The following SPHKAP variants were observed in gnomAD, a reference collection of about 807,000 sequenced individuals.
The protein encoded by SPHKAP is SPHK1 interactor, AKAP domain containing.
A neutral mutation model predicts 137.5 loss-of-function variants in SPHKAP; 67 were observed. That is an observed-to-expected ratio of 0.49 (90% CI 0.40 to 0.60). The LOEUF (loss-of-function observed/expected upper bound fraction) is 0.60, where lower values mean the gene tolerates loss of function less well. SPHKAP is among the 20% of genes least tolerant of loss of function. The probability of loss-of-function intolerance (pLI) is 0.00; values close to 1 mark genes in which losing one functional copy is unlikely to be tolerated. For missense variants in SPHKAP, 2,097 were observed against 2,069.3 expected, an observed-to-expected ratio of 1.01 and a Z score of -0.26; for synonymous variants, 813 against 785.3, an observed-to-expected ratio of 1.04 and a Z score of -0.59.
At position 227,995,665 on chromosome 2, in the gene SPHKAP, T is replaced by G. The variant is rs754360345; in HGVS notation, c.4478A>C (p.Glu1493Ala). Residue 1493 changes from glutamate to alanine, a missense_variant, in exon 8 of 12, where the codon GAG becomes GCG. Glu to Ala is a moderately radical substitution (Grantham distance 107). Transcript: ENST00000392056. Reference protein sequence around the residue: ...SDSLDTRDVPEAEASTEARAP... With the variant: ...SDSLDTRDVPAAEASTEARAP... Reference sequence around the variant, plus strand: ...TCTGGCTTCTGTGGAGGCTTCAGCCTCTGGTACATCTCTGGTATCAAGGCT... The same window carrying G: ...TCTGGCTTCTGTGGAGGCTTCAGCCGCTGGTACATCTCTGGTATCAAGGCT... 3.1e-6 allele frequency: 5 copies of G among 1,608,788 alleles called. No homozygotes were observed. In the Admixed American group the frequency reaches 8.5e-5, roughly 27 times the overall value.
chr2:228,030,543 C>CAAAAAAAAAAAAAAAA (rs1553615001), intron 3 of SPHKAP, among the ~76,000 whole-genome samples: 4 of 78,722 alleles, frequency 5.1e-5, no homozygotes, highest in Non-Finnish European at 7.2e-5. Context: ...CAACAAAAAA[C>CAAAAAAAAAAAAAAAA]AAAAAAAAAA....
Position 228,181,549 on chromosome 2 carries a change from G to C in SPHKAP, c.32+18C>G. ...TTTGATCGACATGGTATTGGGCATA[G>C]AAAGAAGCGGGTCTTACCTTGGTAC... is the stretch of plus-strand genomic sequence containing the variant. On this transcript the variant is annotated intron_variant, in intron 1 of 11. Transcript: ENST00000392056. The surrounding 1 kb of genome is among the most constrained non-coding windows in gnomAD (Gnocchi z 4.3). 2 of 1,614,220 alleles carry C rather than the reference G, an allele frequency of 1.2e-6. No homozygotes were observed. Among genetic ancestry groups the C allele is most frequent in the Non-Finnish European group, 1.7e-6 (2 of 1,180,030 alleles).
chr2:227,995,793 T>A, intron 7 of SPHKAP, 99 bp from the exon 8 acceptor site: 9 of 1,364,498 alleles, frequency 6.6e-6, no homozygotes, highest in Non-Finnish European at 8.7e-6. Context: ...AAACAGGATG[T>A]CACTGGACAC....
At position 228,181,547 on chromosome 2, in the gene SPHKAP, T is replaced by A. The variant is rs1700914938; in HGVS notation, c.32+20A>T. 6.2e-7 allele frequency: 1 copy of A among 1,613,966 alleles called. No homozygotes were observed. Among genetic ancestry groups the A allele is most frequent in the Non-Finnish European group, 8.5e-7 (1 of 1,180,008 alleles). ...AGTTTGATCGACATGGTATTGGGCA[T>A]AGAAAGAAGCGGGTCTTACCTTGGT... is the stretch of plus-strand genomic sequence containing the variant. On this transcript the variant is annotated intron_variant, in intron 1 of 11. Coordinates refer to ENST00000392056, the MANE Select transcript of SPHKAP (RefSeq NM_001142644.2). This position sits in a 1 kb window ranked among gnomAD's most constrained non-coding sequence, Gnocchi z 4.3.
At chr2:228,064,025 G>T (rs1023756379) in intron 3 of SPHKAP, among the ~76,000 whole-genome samples, 2 of 152,158 alleles carry the variant, frequency 1.3e-5, no homozygotes, top group African/African-American at 2.4e-5. Flanking sequence ...TCAAGTAAAA[G>T]TAGTTGATAT....
At chr2:227,990,878 A>T in intron 11 of SPHKAP, 122 bp downstream of exon 11, 1 of 973,214 alleles carries the variant, frequency 1.0e-6, no homozygotes, top group Non-Finnish European at 1.5e-6. Flanking sequence ...CCGCAATTTT[A>T]AGATCAAGAA....
At chr2:228,065,339 G>A (rs976456416) in intron 3 of SPHKAP, among the ~76,000 whole-genome samples, 31 of 152,292 alleles carry the variant, frequency 2.0e-4, no homozygotes, top group South Asian at 6.2e-4. Context: ...CACAGTCCTT[G>A]ACAGAAAGGA....
chr2:228,084,308 A>G (rs73096696), intron 3 of SPHKAP, among the ~76,000 whole-genome samples: 3,519 of 152,270 alleles, frequency 0.023, 131 homozygotes, highest in African/African-American at 0.079. Flanking sequence ...ATATTACTAT[A>G]GTTAATAATG....
At chr2:228,164,916 CAAT>C (rs1437820948) in intron 1 of SPHKAP, among the ~76,000 whole-genome samples, 5 of 152,256 alleles carry the variant, frequency 3.3e-5, no homozygotes, top group African/African-American at 1.2e-4. Context: ...GCACACATGT[CAAT>C]TTGCTATATG....
intron 7 of SPHKAP, among the ~76,000 whole-genome samples, chr2:227,996,788 A>G (rs1197921346): frequency 6.6e-6 from 1 of 152,180 alleles, no homozygotes; most frequent in African/African-American, 2.4e-5. Flanking sequence ...TTTACATTCA[A>G]TAAATTTCTT....
At chr2:228,066,097 T>A (rs1329271508) in intron 3 of SPHKAP, among the ~76,000 whole-genome samples, 1 of 152,348 alleles carries the variant, frequency 6.6e-6, no homozygotes, top group East Asian at 1.9e-4. Context: ...AATTTAATTA[T>A]GTCCTTAGAG....
chr2:228,039,534 T>C (rs1468026861), intron 3 of SPHKAP, among the ~76,000 whole-genome samples: 1 of 152,188 alleles, frequency 6.6e-6, no homozygotes. Flanking sequence ...ATGTAGGCAT[T>C]TGTAAAACTA....
At chr2:228,104,412 A>C (rs1324215517) in intron 3 of SPHKAP, among the ~76,000 whole-genome samples, 2 of 133,648 alleles carry the variant, frequency 1.5e-5, no homozygotes, top group Admixed American at 8.5e-5. Context: ...CAAATTATTC[A>C]AATATAATAT....
At chr2:228,045,724 C>G (rs181612899) in intron 3 of SPHKAP, among the ~76,000 whole-genome samples, 1 of 151,118 alleles carries the variant, frequency 6.6e-6, no homozygotes, top group African/African-American at 2.4e-5. Flanking sequence ...ATTGTGCACA[C>G]GTACCCTAAA....
At chr2:228,120,962 A>G (rs1048595274) in intron 2 of SPHKAP, among the ~76,000 whole-genome samples, 1 of 152,236 alleles carries the variant, frequency 6.6e-6, no homozygotes, top group Admixed American at 6.5e-5. Flanking sequence ...TAGAGTCAGC[A>G]TAATGCTATA....
intron 3 of SPHKAP, among the ~76,000 whole-genome samples, chr2:228,063,780 T>A (rs1056270569): frequency 6.6e-6 from 1 of 152,244 alleles, no homozygotes; most frequent in South Asian, 2.1e-4. Flanking sequence ...ATTAATGATT[T>A]GACCACTTTA....
intron 5 of SPHKAP, among the ~76,000 whole-genome samples, chr2:228,023,667 G>T (rs565642010): frequency 1.3e-5 from 2 of 152,158 alleles, no homozygotes; most frequent in East Asian, 3.9e-4. Context: ...TTTTCCGAGT[G>T]CCTATTGTAT....
chr2:228,049,791 C>A (rs1332428287), intron 3 of SPHKAP, among the ~76,000 whole-genome samples: 1 of 152,120 alleles, frequency 6.6e-6, no homozygotes, highest in Non-Finnish European at 1.5e-5. Context: ...GGATAATGAC[C>A]TCCAGTTGCA....
At chr2:228,027,126 C>T (rs1695072273) in intron 4 of SPHKAP, among the ~76,000 whole-genome samples, 1 of 152,172 alleles carries the variant, frequency 6.6e-6, no homozygotes, top group Admixed American at 6.5e-5. Context: ...ACAGGTAAAG[C>T]ATTTGATGAA....
Sources: allele counts gnomAD v4.1 joint callset (sites outside exome capture counted in the v4.1 genomes callset), GRCh38; gene constraint gnomAD v4.1.1; non-coding constraint Gnocchi (gnomAD v3.1); transcripts MANE v1.5; gene names NCBI Gene and HGNC (gene_info 2026-07-23, HGNC 2026-07-21).